CXXC4: variants seen among roughly 807,000 people sequenced by gnomAD.
The protein encoded by CXXC4 is CXXC-type zinc finger protein 4.
Under a neutral mutation model 20.5 loss-of-function variants are expected in CXXC4, and 5 were observed. The ratio of observed to expected loss-of-function variants is 0.24; its 90% CI spans 0.13 to 0.51. The LOEUF is 0.51. CXXC4 is among the 20% of genes least tolerant of loss of function. The pLI, the probability that CXXC4 is intolerant of heterozygous loss-of-function variation, is 0.97. For synonymous variants in CXXC4, 250 were observed against 216.4 expected, an observed-to-expected ratio of 1.16 and a Z score of -1.36; for missense variants, 419 against 496.4, an observed-to-expected ratio of 0.84 and a Z score of 1.48.
At chr4:104,483,219 C>A (rs559800869) in intron 2 of CXXC4, among the ~76,000 whole-genome samples, 1 of 151,910 alleles carries the variant, frequency 6.6e-6, no homozygotes, top group African/African-American at 2.4e-5. Flanking sequence ...TGAGTCTAGT[C>A]ATTAAAAAAA....
chr4:104,492,920 C>G (rs1190517258), intron 1 of CXXC4, among the ~76,000 whole-genome samples: 1 of 151,900 alleles, frequency 6.6e-6, no homozygotes, highest in Non-Finnish European at 1.5e-5. Context: ...AACCAAGTGC[C>G]TGCAGCCTCT....
intron 2 of CXXC4, among the ~76,000 whole-genome samples, chr4:104,490,305 G>C (rs1292960545): frequency 6.6e-6 from 1 of 152,162 alleles, no homozygotes; most frequent in Non-Finnish European, 1.5e-5. Context: ...GAACAGGCTT[G>C]TGTACCACAA....
intron 2 of CXXC4, among the ~76,000 whole-genome samples, chr4:104,479,802 C>T (rs1313584322): frequency 2.0e-5 from 3 of 146,658 alleles, no homozygotes; most frequent in Non-Finnish European, 4.5e-5. Flanking sequence ...TTCCTCCGTC[C>T]TTCCGTCCTT....
At chr4:104,492,228 C>T (rs1444300695) in intron 1 of CXXC4, among the ~76,000 whole-genome samples, 169 bp from the exon 2 acceptor site, 9 of 129,150 alleles carry the variant, frequency 7.0e-5, no homozygotes, top group African/African-American at 2.3e-4. Flanking sequence ...CCCCCCAACT[C>T]TCCCAACCCC....
At position 104,491,463 on chromosome 4, in the gene CXXC4, C is replaced by T; in HGVS notation, c.340G>A (p.Gly114Ser). ...LWGSGGGGGGGGGGGGGGGGG... is the reference protein window; with the variant it reads ...LWGSGGGGGGSGGGGGGGGGG... ...CCGCCGCCGCCGCCACCCCCCCCGC[C>T]GCCGCCCCCGCCCCCGCCGCTGCCC... Residue 114 changes from glycine to serine, a missense_variant, in exon 2 of 3, where the codon GGC becomes AGC. Coordinates refer to ENST00000394767, the MANE Select transcript of CXXC4 (RefSeq NM_025212.4). The T allele has an allele frequency of 2.2e-6, 2 of 898,412 alleles. No homozygotes were observed. The highest frequency in any genetic ancestry group is 5.2e-5 in the South Asian group (1 of 19,318). 55.7% of individuals were successfully genotyped at this position (898,412 alleles called of 1,614,324 possible).
chr4:104,486,967 C>T (rs1272383542), intron 2 of CXXC4, among the ~76,000 whole-genome samples: 1 of 152,120 alleles, frequency 6.6e-6, no homozygotes, highest in Non-Finnish European at 1.5e-5. Context: ...CCCTATTACA[C>T]TCTTCTGAAG....
In CXXC4 at chr4:104,490,897, C is replaced by T. The variant is rs1488065123; in HGVS notation, c.906G>A (p.Lys302=). ...AGACCCCACACCTTTTCCTCTTCTT[C>T]TTGGCTGGGTTGGCTCCGCCAGCTC... The part of the protein sequence containing the change: ...SGGAGGANPA[K]KKRKRCGVCV... The change falls in exon 2 of 3, where the codon AAG becomes AAA. Residue 302 remains lysine, a synonymous_variant. Transcript: ENST00000394767. 1.2e-6 allele frequency: 2 copies of T among 1,614,176 alleles called. No homozygotes were observed.
chr4:104,490,450 G>A (rs1259947910), intron 2 of CXXC4, among the ~76,000 whole-genome samples: 2 of 152,178 alleles, frequency 1.3e-5, no homozygotes, highest in East Asian at 3.8e-4. Context: ...ACCACCAAGG[G>A]AAAATATTGA....
Position 104,491,464 on chromosome 4 carries a change from G to GCCCCCC in CXXC4, c.338_339insGGGGGG (p.Gly133_Gly134dup). On this transcript the variant is annotated inframe_insertion, in exon 2 of 3. Transcript: ENST00000394767. ...CGCCGCCGCCGCCACCCCCCCCGCC[G>GCCCCCC]CCGCCCCCGCCCCCGCCGCTGCCCC... 2.4e-6 allele frequency: 2 copies of GCCCCCC among 833,816 alleles called. No homozygotes were observed. The highest frequency in any genetic ancestry group is 3.0e-6 in the Non-Finnish European group (2 of 671,716). 51.7% of individuals were successfully genotyped at this position (833,816 alleles called of 1,614,324 possible).
rs1340599178 is a variant in CXXC4 at position 104,471,467 on chromosome 4, C to A, written c.*855G>T. On this transcript the variant is annotated 3_prime_UTR_variant, in exon 3 of 3. Transcript: ENST00000394767. ...ATAAAAAAAAATTATACAACTGATTCTGCATTTTCCAACTACTCTGAGTAC... is the reference window on the plus strand; with the variant it reads ...ATAAAAAAAAATTATACAACTGATTATGCATTTTCCAACTACTCTGAGTAC... 1 of 151,982 alleles carries A rather than the reference C, an allele frequency of 6.6e-6. No homozygotes were observed. Among genetic ancestry groups the A allele is most frequent in the Admixed American group, 6.6e-5 (1 of 15,220 alleles). 9.4% of individuals were successfully genotyped at this position (151,982 alleles called of 1,614,324 possible).
intron 2 of CXXC4, among the ~76,000 whole-genome samples, chr4:104,477,555 A>G (rs1736444318): frequency 6.6e-6 from 1 of 151,546 alleles, no homozygotes; most frequent in South Asian, 2.1e-4. Context: ...AGATTTTTCT[A>G]TATTCCTTTT....
At chr4:104,494,662 G>C (rs958356657) in intron 1 of CXXC4, 39 bp downstream of exon 1, 1 of 145,978 alleles carries the variant, frequency 6.9e-6, no homozygotes, top group African/African-American at 2.5e-5. Context: ...AACTGTTGGG[G>C]GGGGGGGGGT....
At chr4:104,480,379 TCTC>T (rs1384433326) in intron 2 of CXXC4, among the ~76,000 whole-genome samples, 1 of 152,150 alleles carries the variant, frequency 6.6e-6, no homozygotes, top group Non-Finnish European at 1.5e-5. Flanking sequence ...TCTCAGAAAT[TCTC>T]CTCATGATTA....
rs1295236048 is a variant in CXXC4 at position 104,471,007 on chromosome 4, G to A, written c.*1315C>T. ...CATTTATGAAATTCCAGAGACTGTA[G>A]CCCTGCCTTCTCAGGAATGAAAGCA... is the stretch of plus-strand genomic sequence containing the variant. On this transcript the variant is annotated 3_prime_UTR_variant, in exon 3 of 3. Coordinates refer to ENST00000394767, the MANE Select transcript of CXXC4 (RefSeq NM_025212.4). The A allele has an allele frequency of 6.6e-6, 1 of 151,982 alleles. No homozygotes were observed. The highest frequency in any genetic ancestry group is 1.5e-5 in the Non-Finnish European group (1 of 67,976). The allele number at this position is 151,982 out of a possible 1,614,324, so 9.4% of individuals were successfully genotyped here.
chr4:104,481,308 T>C (rs1219793083), intron 2 of CXXC4, among the ~76,000 whole-genome samples: 4 of 152,084 alleles, frequency 2.6e-5, no homozygotes, highest in Non-Finnish European at 4.4e-5. Flanking sequence ...GGTGGGCGGA[T>C]TACATGAGGT....
intron 2 of CXXC4, among the ~76,000 whole-genome samples, chr4:104,485,770 T>C (rs1446472908): frequency 6.6e-6 from 1 of 152,124 alleles, no homozygotes; most frequent in East Asian, 1.9e-4. Flanking sequence ...CTGTTCTTTT[T>C]GCATGCCTTT....
At chr4:104,479,423 A>G (rs968522495) in intron 2 of CXXC4, among the ~76,000 whole-genome samples, 2 of 152,088 alleles carry the variant, frequency 1.3e-5, no homozygotes, top group Non-Finnish European at 2.9e-5. Flanking sequence ...ATAAATATTT[A>G]TTTCTTAATT....
intron 2 of CXXC4, among the ~76,000 whole-genome samples, chr4:104,479,070 A>G (rs914335341): frequency 1.3e-5 from 2 of 152,164 alleles, no homozygotes; most frequent in Non-Finnish European, 2.9e-5. Context: ...ATGCAACAGC[A>G]TAGCATTAGG....
In CXXC4 at chr4:104,491,566, CGCGGCG is replaced by C. The variant is rs765810663; in HGVS notation, c.231_236del (p.Ala81_Ala82del). ...GGGACATGCCGATGCGCGCGGCGGC[CGCGGCG>C]GCGGCGGCGCTGCTGGGGAAGATGG... On this transcript the variant is annotated inframe_deletion, in exon 2 of 3. Transcript: ENST00000394767. The C allele has an allele frequency of 2.0e-6, 3 of 1,508,832 alleles. No individual in the cohort carries two copies. The highest frequency in any genetic ancestry group is 5.4e-5 in the East Asian group (2 of 37,102). The allele number at this position is 1,508,832 out of a possible 1,614,324, so 93.5% of individuals were successfully genotyped here.
Sources: gnomAD v4.1 joint callset for allele counts (sites outside exome capture counted in the v4.1 genomes callset) on GRCh38, gnomAD v4.1.1 for gene constraint, MANE v1.5 for transcripts, NCBI Gene and HGNC (gene_info 2026-07-23, HGNC 2026-07-21) for gene names.